DISP2: variants seen among roughly 807,000 people sequenced by gnomAD.
DISP2 encodes dispatched RND transporter family member 2.
In DISP2, 59 loss-of-function variants were observed where a neutral mutation model predicts 95.5. That is an observed-to-expected ratio of 0.62 (90% CI 0.50 to 0.77). DISP2 has a LOEUF of 0.77. Among genes scored for constraint, DISP2 ranks in the 30% least tolerant of loss-of-function variants. The probability of loss-of-function intolerance (pLI) is 0.00; values close to 1 mark genes in which losing one functional copy is unlikely to be tolerated. For synonymous variants in DISP2, 827 were observed against 815.0 expected, an observed-to-expected ratio of 1.01 and a Z score of -0.25; for missense variants, 1,752 against 1,854.6, an observed-to-expected ratio of 0.94 and a Z score of 1.02.
rs1291200342 is a variant in DISP2 at position 40,375,237 on chromosome 15, C to T, written c.*4919C>T. ...ACTGGAAGGGCCTTGATAAATTTCT[C>T]ATAATTATTATCGGGCCTCTTTGTG... On this transcript the variant is annotated 3_prime_UTR_variant, in exon 8 of 8. Transcript: ENST00000267889. 1 of 152,208 alleles carries T rather than the reference C, an allele frequency of 6.6e-6. No homozygotes were observed. The highest frequency in any genetic ancestry group is 1.5e-5 in the Non-Finnish European group (1 of 68,040). The allele number at this position is 152,208 out of a possible 1,614,324, so 9.4% of individuals were successfully genotyped here.
At position 40,370,629 on chromosome 15, in the gene DISP2, G is replaced by A. The variant is rs547606047; in HGVS notation, c.*311G>A. The A allele has an allele frequency of 2.8e-5, 16 of 573,012 alleles. No individual in the cohort carries two copies. The highest frequency in any genetic ancestry group is 4.3e-5 in the Non-Finnish European group (13 of 303,694). 35.5% of individuals were successfully genotyped at this position (573,012 alleles called of 1,614,324 possible). A position where few individuals can be genotyped will look rare whatever the true frequency, so the allele number is the denominator to read the frequency against. On this transcript the variant is annotated 3_prime_UTR_variant, in exon 8 of 8. Coordinates refer to ENST00000267889, the MANE Select transcript of DISP2 (RefSeq NM_033510.3). The stretch of plus-strand genomic sequence containing the variant: ...TGGGGAAGGCCAGATGTGTAGCTTC[G>A]GGTATCAGAGGAGGCTGACCTGGCC...
Position 40,371,740 on chromosome 15 carries a change from G to A in DISP2, c.*1422G>A, listed in dbSNP as rs1337898464. 1 of 152,186 alleles carries A rather than the reference G, an allele frequency of 6.6e-6. No homozygotes were observed. Among genetic ancestry groups the A allele is most frequent in the Non-Finnish European group, 1.5e-5 (1 of 68,034 alleles). The allele number at this position is 152,186 out of a possible 1,614,324, so 9.4% of individuals were successfully genotyped here. A position where few individuals can be genotyped will look rare whatever the true frequency, so the allele number is the denominator to read the frequency against. Reference sequence around the variant, plus strand: ...CCCATGTGAGAGCTCATGACACCAGGTGGCATCAACATGTTTATTGAACAC... The same window carrying A: ...CCCATGTGAGAGCTCATGACACCAGATGGCATCAACATGTTTATTGAACAC... On this transcript the variant is annotated 3_prime_UTR_variant, in exon 8 of 8. Coordinates refer to ENST00000267889, the MANE Select transcript of DISP2 (RefSeq NM_033510.3).
rs772555216 is a variant in DISP2 at position 40,369,524 on chromosome 15, G to A, written c.3412G>A (p.Asp1138Asn). The A allele has an allele frequency of 1.2e-6, 2 of 1,612,944 alleles. No homozygotes were observed. Among genetic ancestry groups the A allele is most frequent in the Non-Finnish European group, 1.7e-6 (2 of 1,179,998 alleles). ...CCTGCCATGGGATGCTGGTACTGGG[G>A]ACCCTGGTGGGGAGAAGGCAGGCCG... ...AHLPWDAGTG[D>N]PGGEKAGRPR... The change falls in exon 8 of 8, where the codon GAC becomes AAC. Residue 1138 changes from aspartate (D) to asparagine (N), a missense_variant. This residue lies in a region of DISP2 where 347 missense variants were observed against 344.2 expected (regional missense o/e 1.01). Coordinates refer to ENST00000267889, the MANE Select transcript of DISP2 (RefSeq NM_033510.3).
Position 40,369,697 on chromosome 15 carries a change from T to A in DISP2, c.3585T>A (p.Asp1195Glu). 1.2e-6 allele frequency: 2 copies of A among 1,611,892 alleles called. No individual in the cohort carries two copies. The highest frequency in any genetic ancestry group is 1.7e-6 in the Non-Finnish European group (2 of 1,179,992). The change falls in exon 8 of 8, where the codon GAT (aspartate) becomes GAA (glutamate). Residue 1195 changes from aspartate to glutamate, a missense_variant. Physicochemically the swap from Asp to Glu is conservative, Grantham distance 45. Around this residue, in one of 5 missense-constraint regions of DISP2, gnomAD observed 347 missense variants for 344.2 expected, o/e 1.01. Coordinates refer to ENST00000267889, the MANE Select transcript of DISP2 (RefSeq NM_033510.3). ...LSHRPSVLSEDLQLHDGPCCS... is the reference protein window; with the variant it reads ...LSHRPSVLSEELQLHDGPCCS... Reference sequence around the variant, plus strand: ...ACCGGCCCTCAGTACTCTCTGAGGATCTGCAGCTCCATGATGGTCCGTGCT... The same window carrying A: ...ACCGGCCCTCAGTACTCTCTGAGGAACTGCAGCTCCATGATGGTCCGTGCT...
In DISP2 at chr15:40,377,541, T is replaced by C. The variant is rs1404057243; in HGVS notation, c.*7223T>C. ...ACCCCTCGGTTGCCCAGCTTACCGC[T>C]TGAGAGGATGTATTTCACGGAGGGA... On this transcript the variant is annotated 3_prime_UTR_variant, in exon 8 of 8. Coordinates refer to ENST00000267889, the MANE Select transcript of DISP2 (RefSeq NM_033510.3). 6.6e-6 allele frequency: 1 copy of C among 152,018 alleles called. No individual in the cohort carries two copies. The highest frequency in any genetic ancestry group is 2.4e-5 in the African/African-American group (1 of 41,372). The allele number at this position is 152,018 out of a possible 1,614,324, so 9.4% of individuals were successfully genotyped here.
Position 40,374,014 on chromosome 15 carries a change from A to AAAATATAT in DISP2, c.*3697_*3698insAATATATA. 1.7e-3 allele frequency: 176 copies of AAAATATAT among 104,188 alleles called. 6 individuals are homozygous for AAAATATAT. Among genetic ancestry groups the AAAATATAT allele is most frequent in the African/African-American group, 7.1e-3 (171 of 23,976 alleles). 6.5% of individuals were successfully genotyped at this position (104,188 alleles called of 1,614,324 possible). On this transcript the variant is annotated 3_prime_UTR_variant, in exon 8 of 8. Coordinates refer to ENST00000267889, the MANE Select transcript of DISP2 (RefSeq NM_033510.3). ...GCGAGACTCCATCTTAAAAAAAAAA[A>AAAATATAT]ATATATATATATATATATGTAAACT... is the stretch of plus-strand genomic sequence containing the variant.
rs1455512881 is a variant in DISP2 at position 40,375,693 on chromosome 15, C to T, written c.*5375C>T. 6.6e-6 allele frequency: 1 copy of T among 152,274 alleles called. No homozygotes were observed. The highest frequency in any genetic ancestry group is 2.4e-5 in the African/African-American group (1 of 41,458). The allele number at this position is 152,274 out of a possible 1,614,324, so 9.4% of individuals were successfully genotyped here. A position where few individuals can be genotyped will look rare whatever the true frequency, so the allele number is the denominator to read the frequency against. On this transcript the variant is annotated 3_prime_UTR_variant, in exon 8 of 8. Coordinates refer to ENST00000267889, the MANE Select transcript of DISP2 (RefSeq NM_033510.3). ...ACGAAGGAAGCAGTAATGGCTCCATCAATGGCTTCTCACACTTGGTGTCAG... is the reference window on the plus strand; with the variant it reads ...ACGAAGGAAGCAGTAATGGCTCCATTAATGGCTTCTCACACTTGGTGTCAG...
intron 1 of DISP2, 131 bp from the exon 2 acceptor site, chr15:40,363,493 TC>T: frequency 1.5e-6 from 1 of 670,676 alleles, no homozygotes; most frequent in South Asian, 2.5e-5. Flanking sequence ...CTCTCACTTC[TC>T]CCCCAGGACT....
At position 40,368,185 on chromosome 15, in the gene DISP2, C is replaced by G; in HGVS notation, c.2073C>G (p.Phe691Leu). 2 of 1,600,742 alleles carry G rather than the reference C, an allele frequency of 1.2e-6. No homozygotes were observed. Among genetic ancestry groups the G allele is most frequent in the South Asian group, 1.1e-5 (1 of 90,200 alleles). Residue 691 changes from phenylalanine (F) to leucine (L), a missense_variant, in exon 8 of 8, where the codon TTC (phenylalanine) becomes TTG (leucine). By Grantham distance (22) the Phe-to-Leu change is conservative (BLOSUM62 0). Coordinates refer to ENST00000267889, the MANE Select transcript of DISP2 (RefSeq NM_033510.3). ...RAAAGTSRLL[F>L]QRLLPCGVIK... ...CGGCTGGCACCTCGCGTCTGCTCTT[C>G]CAGCGCCTGCTGCCCTGCGGCGTCA...
Position 40,370,782 on chromosome 15 carries a change from T to A in DISP2, c.*464T>A. The A allele has an allele frequency of 2.5e-6, 1 of 392,740 alleles. No homozygotes were observed. Among genetic ancestry groups the A allele is most frequent in the Non-Finnish European group, 5.1e-6 (1 of 194,712 alleles). The allele number at this position is 392,740 out of a possible 1,614,324, so 24.3% of individuals were successfully genotyped here. ...AGCCTCCTGGGTCTCACCCCTTTCA[T>A]GGGCTCTTCATCAGGACACTTCCCT... On this transcript the variant is annotated 3_prime_UTR_variant, in exon 8 of 8. Transcript: ENST00000267889.
Position 40,370,832 on chromosome 15 carries a change from G to A in DISP2, c.*514G>A. 2.9e-6 allele frequency: 1 copy of A among 343,944 alleles called. No individual in the cohort carries two copies. Among genetic ancestry groups the A allele is most frequent in the South Asian group, 2.2e-5 (1 of 45,634 alleles). The allele number at this position is 343,944 out of a possible 1,614,324, so 21.3% of individuals were successfully genotyped here. ...TCTCTTTTGGGAGCTTCTCTGGGCA[G>A]AATTGGGCTGGGACCTCTCTCCCCA... On this transcript the variant is annotated 3_prime_UTR_variant, in exon 8 of 8. Transcript: ENST00000267889.
In DISP2 at chr15:40,368,518, G is replaced by A; in HGVS notation, c.2406G>A (p.Ser802=). 5 of 1,606,164 alleles carry A rather than the reference G, an allele frequency of 3.1e-6. No homozygotes were observed. The highest frequency in any genetic ancestry group is 4.2e-6 in the Non-Finnish European group (5 of 1,179,890). ...NSSLVRDPAF[S]ASGPEAQRWL... The stretch of plus-strand genomic sequence containing the variant: ...GCCTGGTGAGGGACCCTGCCTTCTC[G>A]GCCAGCGGCCCTGAGGCCCAGCGCT... Residue 802 remains serine, a synonymous_variant, in exon 8 of 8, where the codon TCG becomes TCA. Coordinates refer to ENST00000267889, the MANE Select transcript of DISP2 (RefSeq NM_033510.3).
At chr15:40,360,494 G>C (rs1182194260) in intron 1 of DISP2, among the ~76,000 whole-genome samples, 2 of 152,074 alleles carry the variant, frequency 1.3e-5, no homozygotes. Flanking sequence ...GTGAGATTGG[G>C]GGCAGCTGAT....
Position 40,368,268 on chromosome 15 carries a change from A to G in DISP2, c.2156A>G (p.Tyr719Cys). 2 of 1,609,102 alleles carry G rather than the reference A, an allele frequency of 1.2e-6. No individual in the cohort carries two copies. The highest frequency in any genetic ancestry group is 2.2e-5 in the South Asian group (2 of 90,992). ...GCAGCACTGGCGGCAGGGGGCGCCT[A>G]CATCGCCGGAGTCAGCCCCCGCCTG... ...WFAALAAGGAYIAGVSPRLRL... is the reference protein window; with the variant it reads ...WFAALAAGGACIAGVSPRLRL... Residue 719 changes from tyrosine to cysteine, a missense_variant, in exon 8 of 8, where the codon TAC becomes TGC. Tyr to Cys is a radical substitution (Grantham distance 194). Around this residue, in one of 5 missense-constraint regions of DISP2, gnomAD observed 732 missense variants for 714.6 expected, o/e 1.02. Transcript: ENST00000267889.
At chr15:40,363,179 G>A (rs1470870800) in intron 1 of DISP2, among the ~76,000 whole-genome samples, 1 of 151,956 alleles carries the variant, frequency 6.6e-6, no homozygotes, top group East Asian at 1.9e-4. Flanking sequence ...AGTCGTGATG[G>A]CGGGCACCTG....
rs551143777 is a variant in DISP2, at chr15:40,368,594, C to G, written c.2482C>G (p.Leu828Val). The G allele has an allele frequency of 6.2e-7, 1 of 1,605,688 alleles. No individual in the cohort carries two copies. Among genetic ancestry groups the G allele is most frequent in the East Asian group, 2.2e-5 (1 of 44,882 alleles). ...CCGGAATCAGAGCTTCTTCGACACC[C>G]TGCAGGAAGGCTGGCCCACGCTGTG... is the stretch of plus-strand genomic sequence containing the variant. ...RARNQSFFDT[L>V]QEGWPTLCFV... Residue 828 changes from leucine (L) to valine (V), a missense_variant, in exon 8 of 8, where the codon CTG (leucine) becomes GTG (valine). Transcript: ENST00000267889.
rs764597052 is a variant in DISP2, at chr15:40,368,048, C to A, written c.1936C>A (p.Arg646Ser). 14 of 1,518,248 alleles carry A rather than the reference C, an allele frequency of 9.2e-6. No individual in the cohort carries two copies. In the South Asian group the frequency reaches 1.6e-4, roughly 17 times the overall value. 94.0% of individuals were successfully genotyped at this position (1,518,248 alleles called of 1,614,324 possible). The change falls in exon 8 of 8, where the codon CGC becomes AGC. Residue 646 changes from arginine to serine, a missense_variant. Arg to Ser is a moderately radical substitution (Grantham distance 110). Around this residue, in one of 5 missense-constraint regions of DISP2, gnomAD observed 732 missense variants for 714.6 expected, o/e 1.02. Coordinates refer to ENST00000267889, the MANE Select transcript of DISP2 (RefSeq NM_033510.3). ...GCCCGCCTCCGCCGTGCTCCACGAG[C>A]GCTACCTGGCGCGCGGCTGTGCGCG... ...WLPASAVLHE[R>S]YLARGCARRA...
rs778913392 is a variant in DISP2 at position 40,368,310 on chromosome 15, C to G, written c.2198C>G (p.Pro733Arg). Residue 733 changes from proline to arginine, a missense_variant, in exon 8 of 8, where the codon CCG (proline) becomes CGG (arginine). Around this residue, in one of 5 missense-constraint regions of DISP2, gnomAD observed 732 missense variants for 714.6 expected, o/e 1.02. Transcript: ENST00000267889. Reference sequence around the variant, plus strand: ...CCCCGCCTGCGGCTGCCCACGCTGCCGCCGCCCGGCGGCCAGGTCTTCCGG... The same window carrying G: ...CCCCGCCTGCGGCTGCCCACGCTGCGGCCGCCCGGCGGCCAGGTCTTCCGG... Reference protein sequence around the residue: ...VSPRLRLPTLPPPGGQVFRPS... With the variant: ...VSPRLRLPTLRPPGGQVFRPS... 28 of 1,604,056 alleles carry G rather than the reference C, an allele frequency of 1.7e-5. No homozygotes were observed. Among genetic ancestry groups the G allele is most frequent in the East Asian group, 6.7e-5 (3 of 44,734 alleles).
In DISP2 at chr15:40,368,372, C is replaced by T. The variant is rs543585140; in HGVS notation, c.2260C>T (p.Arg754Cys). ...CTTCGAGCGCTTCGACGCGGAGTAT[C>T]GCCAGCTGTTCCTGTTCGAGCAGCT... ...HPFERFDAEYRQLFLFEQLPQ... is the reference protein window; with the variant it reads ...HPFERFDAEYCQLFLFEQLPQ... Residue 754 changes from arginine to cysteine, a missense_variant, in exon 8 of 8, where the codon CGC becomes TGC. Physicochemically the swap from Arg to Cys is radical, Grantham distance 180. This residue lies in a region of DISP2 where 732 missense variants were observed against 714.6 expected (regional missense o/e 1.02). Coordinates refer to ENST00000267889, the MANE Select transcript of DISP2 (RefSeq NM_033510.3). 1.5e-5 allele frequency: 24 copies of T among 1,606,958 alleles called. No individual in the cohort carries two copies. In the East Asian group the frequency reaches 5.4e-4, roughly 36 times the overall value.
Sources: gnomAD v4.1 joint callset for allele counts (sites outside exome capture counted in the v4.1 genomes callset) on GRCh38, gnomAD v4.1.1 for gene constraint, gnomAD v4.1.1 regional missense constraint, MANE v1.5 for transcripts, NCBI Gene and HGNC (gene_info 2026-07-23, HGNC 2026-07-21) for gene names.